CNTNAP2: variants seen among roughly 807,000 people sequenced by gnomAD.
The protein encoded by CNTNAP2 is contactin associated protein 2.
In CNTNAP2, 98 loss-of-function variants were observed where a neutral mutation model predicts 155.2. That is an observed-to-expected ratio of 0.63 (90% CI 0.54 to 0.75). The LOEUF is 0.75. CNTNAP2 is among the 30% of genes least tolerant of loss of function. CNTNAP2 has a pLI of 0.00. For synonymous variants in CNTNAP2, 651 were observed against 631.2 expected, an observed-to-expected ratio of 1.03 and a Z score of -0.47; for missense variants, 1,727 against 1,688.1, an observed-to-expected ratio of 1.02 and a Z score of -0.40.
chr7:146,847,005 A>AT (rs1318684698), intron 3 of CNTNAP2, among the ~76,000 whole-genome samples: 1 of 151,798 alleles, frequency 6.6e-6, no homozygotes, highest in Non-Finnish European at 1.5e-5. Context: ...CTCAATGCTA[A>AT]TTTTTTTTAC....
intron 1 of CNTNAP2, among the ~76,000 whole-genome samples, chr7:146,506,583 A>G (rs1797388591): frequency 1.3e-5 from 2 of 152,170 alleles, no homozygotes; most frequent in East Asian, 3.9e-4. Flanking sequence ...AATAGTTACA[A>G]CCTTTCGATG....
At chr7:148,365,073 C>A (rs1348010985) in intron 21 of CNTNAP2, among the ~76,000 whole-genome samples, 2 of 152,190 alleles carry the variant, frequency 1.3e-5, no homozygotes, top group African/African-American at 4.8e-5. Flanking sequence ...CGGCTTCATT[C>A]TTGAAGTCAG....
intron 8 of CNTNAP2, among the ~76,000 whole-genome samples, chr7:147,148,172 T>C (rs3953445): frequency 0.57 from 86,996 of 151,482 alleles, 25,148 homozygotes; most frequent in South Asian, 0.71. Flanking sequence ...GGGCGGATCA[T>C]GAGGTCAGGA....
At chr7:146,323,052 A>G (rs943431609) in intron 1 of CNTNAP2, among the ~76,000 whole-genome samples, 1 of 152,012 alleles carries the variant, frequency 6.6e-6, no homozygotes, top group Admixed American at 6.6e-5. Flanking sequence ...TCTAATGTGT[A>G]TGGGGAGATT....
At chr7:147,608,298 G>A (rs1801112202) in intron 12 of CNTNAP2, among the ~76,000 whole-genome samples, 2 of 151,400 alleles carry the variant, frequency 1.3e-5, no homozygotes, top group Non-Finnish European at 2.9e-5. Context: ...TTGCAGTTTA[G>A]TATCTTATAA....
chr7:147,622,178 C>A (rs1163160860), intron 12 of CNTNAP2, among the ~76,000 whole-genome samples: 1 of 151,884 alleles, frequency 6.6e-6, no homozygotes, highest in Non-Finnish European at 1.5e-5. Context: ...GGCCCCAATA[C>A]AATAATAACT....
chr7:147,461,630 G>A (rs1005341811), intron 10 of CNTNAP2, among the ~76,000 whole-genome samples: 1 of 151,270 alleles, frequency 6.6e-6, no homozygotes, highest in African/African-American at 2.4e-5. Flanking sequence ...CCAGCTTTGG[G>A]GGCATTCTGA....
At chr7:147,665,032 A>T (rs1287631176) in intron 13 of CNTNAP2, among the ~76,000 whole-genome samples, 1 of 152,200 alleles carries the variant, frequency 6.6e-6, no homozygotes, top group Non-Finnish European at 1.5e-5. Flanking sequence ...AGAGTTGTAG[A>T]TGCAAAGTTT....
At chr7:147,542,903 T>C (rs1322064739) in intron 11 of CNTNAP2, among the ~76,000 whole-genome samples, 1 of 152,168 alleles carries the variant, frequency 6.6e-6, no homozygotes, top group Non-Finnish European at 1.5e-5. Context: ...TAAAGAGAGA[T>C]TCCAAAATGA....
chr7:148,004,066 G>C (rs1246251314), intron 15 of CNTNAP2, among the ~76,000 whole-genome samples: 1 of 152,092 alleles, frequency 6.6e-6, no homozygotes, highest in African/African-American at 2.4e-5. Flanking sequence ...ATTGCAAGAG[G>C]AAATTAGAAG....
rs568882901 is a variant in CNTNAP2, at chr7:146,529,919, C to G, written c.98-244352C>G. Among the ~76,000 whole-genome samples the G allele has an allele frequency of 2.0e-5, 3 of 152,106 alleles. No individual in the cohort carries two copies. In the East Asian group the frequency reaches 5.8e-4, roughly 30 times the overall value. ...GGCAGAGGTTGCAGTGAGCCGAGAT[C>G]GTGCCACTGCACTCTAGCCTGGTGA... On this transcript the variant is annotated intron_variant, in intron 1 of 23. Transcript: ENST00000361727.
intron 1 of CNTNAP2, among the ~76,000 whole-genome samples, chr7:146,330,322 C>T (rs774144059): frequency 7.9e-5 from 12 of 151,802 alleles, no homozygotes; most frequent in South Asian, 2.1e-4. Flanking sequence ...GCGCCCGGCT[C>T]GACAAGTACT....
At chr7:146,423,295 T>A (rs964440105) in intron 1 of CNTNAP2, among the ~76,000 whole-genome samples, 3 of 152,150 alleles carry the variant, frequency 2.0e-5, no homozygotes, top group African/African-American at 7.2e-5. Context: ...ATTCTATGAG[T>A]AGATTTTTTT....
At chr7:148,332,177 A>G (rs1798039171) in intron 21 of CNTNAP2, among the ~76,000 whole-genome samples, 2 of 152,130 alleles carry the variant, frequency 1.3e-5, no homozygotes, top group Admixed American at 1.3e-4. Flanking sequence ...AAAAAAAAAA[A>G]AAAACCTATA....
rs1038081424 is a variant in CNTNAP2, at chr7:146,675,509, CT to C, written c.98-98757del. Among the ~76,000 whole-genome samples the C allele has an allele frequency of 3.2e-3, 481 of 152,168 alleles. 1 individual carries two copies. The highest frequency in any genetic ancestry group is 0.011 in the African/African-American group (448 of 41,518). Reference sequence around the variant, plus strand: ...ATTTTATTTTAAATGATGGGCAAGGCTTTTTGCTGTTTGGTTTACTTATAAG... The same window carrying C: ...ATTTTATTTTAAATGATGGGCAAGGCTTTTGCTGTTTGGTTTACTTATAAG... On this transcript the variant is annotated intron_variant, in intron 1 of 23. Coordinates refer to ENST00000361727, the MANE Select transcript of CNTNAP2 (RefSeq NM_014141.6).
chr7:147,691,898 G>A (rs562084865), intron 13 of CNTNAP2, among the ~76,000 whole-genome samples: 1 of 152,094 alleles, frequency 6.6e-6, no homozygotes, highest in South Asian at 2.1e-4. Context: ...TTTACATTAG[G>A]GTTCACCCTT....
intron 1 of CNTNAP2, among the ~76,000 whole-genome samples, chr7:146,266,681 G>A (rs1171756459): frequency 1.3e-5 from 2 of 152,120 alleles, no homozygotes; most frequent in African/African-American, 4.8e-5. Flanking sequence ...GCTAAACAGA[G>A]AAAACAAGAC....
chr7:147,394,912 C>A (rs1796786662), intron 9 of CNTNAP2, among the ~76,000 whole-genome samples: 1 of 141,822 alleles, frequency 7.1e-6, no homozygotes, highest in South Asian at 2.3e-4. Context: ...GTATATATAC[C>A]ATATTATGGT....
intron 3 of CNTNAP2, among the ~76,000 whole-genome samples, chr7:146,870,718 A>G (rs1795288588): frequency 6.6e-6 from 1 of 152,158 alleles, no homozygotes; most frequent in Non-Finnish European, 1.5e-5. Flanking sequence ...TAAGAGTTTG[A>G]AAAAGAACCA....
Sources: allele counts gnomAD v4.1 joint callset (sites outside exome capture counted in the v4.1 genomes callset), GRCh38; gene constraint gnomAD v4.1.1; transcripts MANE v1.5; gene names NCBI Gene and HGNC (gene_info 2026-07-23, HGNC 2026-07-21).